RAI14: variants seen among roughly 807,000 people sequenced by gnomAD.
RAI14 encodes the protein retinoic acid induced 14.
A neutral mutation model predicts 115.4 loss-of-function variants in RAI14; 45 were observed. The observed-to-expected ratio is 0.39, with a 90% CI of 0.31 to 0.50. The LOEUF is 0.50. Ranked by LOEUF, RAI14 falls within the 20% of genes least tolerant of loss-of-function variation. RAI14 has a pLI of 0.85. For missense variants in RAI14, 939 were observed against 1,131.2 expected (o/e 0.83, Z 2.44); for synonymous variants, 371 against 415.4 (o/e 0.89, Z 1.30).
chr5:34,751,921 G>T (rs1435922098), intron 2 of RAI14, among the ~76,000 whole-genome samples: 2 of 152,132 alleles, frequency 1.3e-5, no homozygotes, highest in Non-Finnish European at 2.9e-5. Context: ...TCTTAACATA[G>T]GTTCCAGTTG....
intron 2 of RAI14, among the ~76,000 whole-genome samples, chr5:34,693,013 G>T (rs754939861): frequency 6.6e-6 from 1 of 152,076 alleles, no homozygotes; most frequent in Non-Finnish European, 1.5e-5. Context: ...GCCTTGCCCC[G>T]ATCTCTGCTT....
intron 7 of RAI14, among the ~76,000 whole-genome samples, chr5:34,810,757 A>G (rs1367675083): frequency 6.6e-6 from 1 of 152,140 alleles, no homozygotes; most frequent in Non-Finnish European, 1.5e-5. Context: ...AAACAGTGAT[A>G]GCCAAGGGCA....
At chr5:34,770,637 T>G (rs1750033213) in intron 3 of RAI14, among the ~76,000 whole-genome samples, 1 of 152,182 alleles carries the variant, frequency 6.6e-6, no homozygotes, top group African/African-American at 2.4e-5. Flanking sequence ...GGAATGGCTC[T>G]CCTGGTGGAA....
chr5:34,729,865 T>A (rs1476193779), intron 2 of RAI14, among the ~76,000 whole-genome samples: 1 of 152,184 alleles, frequency 6.6e-6, no homozygotes, highest in Non-Finnish European at 1.5e-5. Context: ...ATGAGACAGT[T>A]GGGAAAATTT....
At chr5:34,681,434 A>C (rs1028817114) in intron 1 of RAI14, among the ~76,000 whole-genome samples, 1 of 152,150 alleles carries the variant, frequency 6.6e-6, no homozygotes, top group African/African-American at 2.4e-5. Flanking sequence ...GGCACATGTT[A>C]GTTAGTGTTC....
intron 1 of RAI14, among the ~76,000 whole-genome samples, chr5:34,676,481 T>A (rs1318235007): frequency 6.6e-6 from 1 of 152,224 alleles, no homozygotes; most frequent in Non-Finnish European, 1.5e-5. Context: ...CTTGTTTTGA[T>A]TAAGCCATGC....
In RAI14 at chr5:34,757,518, T is replaced by G. The variant is rs781246137; in HGVS notation, c.87T>G (p.Asn29Lys). ...NDDRLLQAVE[N>K]GDAEKVASLL... ...ACCGGCTACTGCAGGCCGTGGAGAATGGAGATGCGGAGAAGGTGGCCTCAC... is the reference window on the plus strand; with the variant it reads ...ACCGGCTACTGCAGGCCGTGGAGAAGGGAGATGCGGAGAAGGTGGCCTCAC... Residue 29 changes from asparagine (N) to lysine (K), a missense_variant, in exon 3 of 18, where the codon AAT (asparagine) becomes AAG (lysine). Coordinates refer to ENST00000265109, the MANE Select transcript of RAI14 (RefSeq NM_015577.3). The G allele has an allele frequency of 6.8e-6, 11 of 1,613,690 alleles. No individual in the cohort carries two copies. The highest frequency in any genetic ancestry group is 2.2e-5 in the East Asian group (1 of 44,874).
At chr5:34,713,631 C>T (rs575307352) in intron 2 of RAI14, among the ~76,000 whole-genome samples, 1 of 152,286 alleles carries the variant, frequency 6.6e-6, no homozygotes, top group South Asian at 2.1e-4. Flanking sequence ...AACTCTTGGT[C>T]TCAATTGACC....
chr5:34,787,970 G>C (rs1752511026), intron 3 of RAI14, among the ~76,000 whole-genome samples: 1 of 127,122 alleles, frequency 7.9e-6, no homozygotes, highest in Non-Finnish European at 1.6e-5. Flanking sequence ...CTAGAGTGCA[G>C]TGGTGGTGTG....
At position 34,824,503 on chromosome 5, in the gene RAI14, T is replaced by C; in HGVS notation, c.2649+12T>C. ...ATAAAGATAAAAAGGTTGGTGAAAC[T>C]GTATTGCTGTTGGGTTTCTAGCAAT... is the stretch of plus-strand genomic sequence containing the variant. On this transcript the variant is annotated intron_variant, in intron 15 of 17. Transcript: ENST00000265109. 1 of 1,543,086 alleles carries C rather than the reference T, an allele frequency of 6.5e-7. No individual in the cohort carries two copies. Among genetic ancestry groups the C allele is most frequent in the Non-Finnish European group, 8.7e-7 (1 of 1,147,364 alleles).
Position 34,823,576 on chromosome 5 carries a change from A to T in RAI14, c.1734A>T (p.Glu578Asp), listed in dbSNP as rs964921265. The change falls in exon 15 of 18, where the codon GAA (glutamate) becomes GAT (aspartate). Residue 578 changes from glutamate (E) to aspartate (D), a missense_variant. Glu to Asp is a conservative substitution (Grantham distance 45). Transcript: ENST00000265109. This position sits in a 1 kb window ranked among gnomAD's most constrained non-coding sequence, Gnocchi z 4.5. ...AGCCACCTGTGGAAGAGTACGAGGA[A>T]ATGAAAAGTTCATATTGCTCTGTTA... is the stretch of plus-strand genomic sequence containing the variant. ...VIKPPVEEYE[E>D]MKSSYCSVIE... is the part of the protein sequence containing the mutation. The T allele has an allele frequency of 1.9e-6, 3 of 1,614,110 alleles. No homozygotes were observed. The South Asian group carries it at 3.3e-5, about 18-fold the overall frequency.
intron 2 of RAI14, among the ~76,000 whole-genome samples, chr5:34,735,416 T>C (rs1744741751): frequency 6.6e-6 from 1 of 152,242 alleles, no homozygotes; most frequent in African/African-American, 2.4e-5. Context: ...CCTTAATTAC[T>C]GAAGATTTTT....
chr5:34,747,789 C>G (rs1041938389), intron 2 of RAI14, among the ~76,000 whole-genome samples: 1 of 152,154 alleles, frequency 6.6e-6, no homozygotes, highest in African/African-American at 2.4e-5. Context: ...CCTTTCCATG[C>G]ACAGCTCTGA....
intron 3 of RAI14, among the ~76,000 whole-genome samples, chr5:34,762,686 T>A (rs1468871282): frequency 6.6e-6 from 1 of 152,214 alleles, no homozygotes; most frequent in East Asian, 1.9e-4. Context: ...GGCGTGCCTC[T>A]GCCCAGCTGT....
intron 14 of RAI14, 142 bp downstream of exon 14, chr5:34,821,992 T>C (rs1204855004): frequency 2.2e-6 from 1 of 454,632 alleles, no homozygotes; most frequent in Non-Finnish European, 3.9e-6. Flanking sequence ...TTTCAGATTA[T>C]TTGTTTCATG....
chr5:34,786,721 T>G (rs1752343667), intron 3 of RAI14, among the ~76,000 whole-genome samples: 3 of 152,110 alleles, frequency 2.0e-5, no homozygotes, highest in African/African-American at 7.2e-5. Flanking sequence ...GACCTGGGTT[T>G]GAGCCTCCAC....
chr5:34,724,523 A>G (rs900811341), intron 2 of RAI14, among the ~76,000 whole-genome samples: 16 of 152,182 alleles, frequency 1.1e-4, no homozygotes, highest in African/African-American at 3.4e-4. Flanking sequence ...ACAGGAAGCC[A>G]TGGAGAATAA....
chr5:34,828,263 T>C (rs978121048), intron 16 of RAI14, among the ~76,000 whole-genome samples: 4 of 152,004 alleles, frequency 2.6e-5, no homozygotes, highest in African/African-American at 7.3e-5. Context: ...GTGGTAATGA[T>C]AGAGGCAGGG....
chr5:34,830,411 T>C (rs1166224466), intron 17 of RAI14, among the ~76,000 whole-genome samples: 1 of 152,198 alleles, frequency 6.6e-6, no homozygotes. Flanking sequence ...CTTGGTGTTC[T>C]GGCTGCTGGA....
Sources: allele counts gnomAD v4.1 joint callset (sites outside exome capture counted in the v4.1 genomes callset), GRCh38; gene constraint gnomAD v4.1.1; non-coding constraint Gnocchi (gnomAD v3.1); transcripts MANE v1.5; gene names NCBI Gene and HGNC (gene_info 2026-07-23, HGNC 2026-07-21).